Variants in INPP4B observed in about 807,000 individuals in gnomAD.
INPP4B encodes inositol polyphosphate-4-phosphatase type II B, also known as inositol polyphosphate 4-phosphatase type II.
INPP4B carries 55 observed loss-of-function variants against 122.5 expected under a neutral mutation model. That is an observed-to-expected ratio of 0.45 (90% CI 0.36 to 0.56). The LOEUF (loss-of-function observed/expected upper bound fraction) is 0.56, where lower values mean the gene tolerates loss of function less well. Ranked by LOEUF, INPP4B falls within the 20% of genes least tolerant of loss-of-function variation. The pLI is 0.00. For missense variants in INPP4B, 1,000 were observed against 1,097.7 expected, an observed-to-expected ratio of 0.91 and a Z score of 1.26; for synonymous variants, 403 against 388.7, an observed-to-expected ratio of 1.04 and a Z score of -0.43.
At chr4:142,123,193 T>A (rs775446842) in intron 20 of INPP4B, 99 bp downstream of exon 20, 203 of 1,011,420 alleles carry the variant, frequency 2.0e-4, no homozygotes, top group Non-Finnish European at 2.6e-4. Flanking sequence ...CTTGGCACAA[T>A]AAAGGTTTAC....
At chr4:142,763,695 T>C (rs1771673187) in intron 1 of INPP4B, among the ~76,000 whole-genome samples, 1 of 152,180 alleles carries the variant, frequency 6.6e-6, no homozygotes, top group South Asian at 2.1e-4. Flanking sequence ...ACCACCAGTG[T>C]GCTAGCTGTG....
intron 1 of INPP4B, among the ~76,000 whole-genome samples, chr4:142,799,171 A>T (rs1292475242): frequency 6.6e-6 from 1 of 151,940 alleles, no homozygotes; most frequent in Non-Finnish European, 1.5e-5. Flanking sequence ...TTTAAGACTA[A>T]CATTATTTAT....
chr4:142,058,413 T>G (rs901455276), intron 25 of INPP4B, among the ~76,000 whole-genome samples: 1 of 152,172 alleles, frequency 6.6e-6, no homozygotes, highest in Non-Finnish European at 1.5e-5. Context: ...ACAATATTAC[T>G]GTGCCATTAT....
chr4:142,355,322 C>G (rs1310137152), intron 7 of INPP4B, among the ~76,000 whole-genome samples: 1 of 151,972 alleles, frequency 6.6e-6, no homozygotes, highest in Admixed American at 6.6e-5. Flanking sequence ...ATCCGGACAA[C>G]AGAGAGAAAT....
At chr4:142,146,151 T>G (rs1457265328) in intron 17 of INPP4B, among the ~76,000 whole-genome samples, 155 bp from the exon 18 acceptor site, 1 of 152,208 alleles carries the variant, frequency 6.6e-6, no homozygotes. Flanking sequence ...AGACTATGGA[T>G]ATATAATGAA....
At chr4:142,314,067 T>A (rs943850450) in intron 8 of INPP4B, among the ~76,000 whole-genome samples, 2 of 152,174 alleles carry the variant, frequency 1.3e-5, no homozygotes, top group Non-Finnish European at 2.9e-5. Flanking sequence ...CTAATTAACT[T>A]CTGGTCTTTT....
intron 12 of INPP4B, among the ~76,000 whole-genome samples, chr4:142,214,848 C>T (rs376437573): frequency 5.3e-5 from 8 of 152,206 alleles, no homozygotes; most frequent in East Asian, 3.9e-4. Context: ...CCACTGCGCC[C>T]GACCCAGCAC....
At chr4:142,429,109 ATACT>A in intron 5 of INPP4B, 60 bp downstream of exon 5, 1 of 863,576 alleles carries the variant, frequency 1.2e-6, no homozygotes. Context: ...CAATCTACCT[ATACT>A]TTGCAAACTA....
chr4:142,488,722 T>C (rs768166254), intron 2 of INPP4B, among the ~76,000 whole-genome samples: 1 of 152,176 alleles, frequency 6.6e-6, no homozygotes, highest in Non-Finnish European at 1.5e-5. Context: ...ATCTTTAGCA[T>C]ATTTGTCTTC....
intron 2 of INPP4B, among the ~76,000 whole-genome samples, chr4:142,485,226 C>A (rs143765373): frequency 1.6e-3 from 249 of 152,218 alleles, no homozygotes; most frequent in Admixed American, 4.9e-3. Context: ...CAGAATCCAG[C>A]ATAGTCTCAA....
chr4:142,400,666 T>C (rs956051400), intron 7 of INPP4B, among the ~76,000 whole-genome samples: 12 of 152,324 alleles, frequency 7.9e-5, no homozygotes, highest in African/African-American at 2.9e-4. Flanking sequence ...ATAAATGCAA[T>C]CTGGGTGTAT....
At chr4:142,193,218 G>C (rs774270174) in intron 14 of INPP4B, 23 bp from the exon 15 acceptor site, 18 of 1,395,112 alleles carry the variant, frequency 1.3e-5, no homozygotes, top group Admixed American at 1.2e-4. Context: ...CAGACAAGGA[G>C]ATGAACACTT....
intron 14 of INPP4B, among the ~76,000 whole-genome samples, chr4:142,196,387 C>A (rs1838229635): frequency 6.6e-6 from 1 of 152,110 alleles, no homozygotes; most frequent in African/African-American, 2.4e-5. Context: ...TTAAGCTTAA[C>A]ATATTCTAAC....
chr4:142,134,883 T>C (rs1006248376), intron 18 of INPP4B, among the ~76,000 whole-genome samples: 1 of 151,548 alleles, frequency 6.6e-6, no homozygotes, highest in African/African-American at 2.4e-5. Flanking sequence ...CTTTTTCCAA[T>C]GAAATTCTCA....
chr4:142,691,345 A>T lies in INPP4B; in HGVS notation c.-191+34494T>A, dbSNP rs536776330. 4.8e-3 allele frequency among the ~76,000 whole-genome samples: 720 copies of T among 150,360 alleles called. 3 individuals are homozygous for T. Among genetic ancestry groups the T allele is most frequent in the African/African-American group, 6.3e-3 (259 of 40,890 alleles). On this transcript the variant is annotated intron_variant, in intron 2 of 25. Coordinates refer to ENST00000262992, the MANE Select transcript of INPP4B (RefSeq NM_001101669.3). ...AGGGCAAAGTTTTTTTTTTTTTTTTAAATTTTTGCTTATCAGGACCCACAC... is the reference window on the plus strand; with the variant it reads ...AGGGCAAAGTTTTTTTTTTTTTTTTTAATTTTTGCTTATCAGGACCCACAC...
chr4:142,773,833 G>C (rs886963843), intron 1 of INPP4B, among the ~76,000 whole-genome samples: 2 of 151,186 alleles, frequency 1.3e-5, no homozygotes, highest in Non-Finnish European at 2.9e-5. Flanking sequence ...CCCCAGAAGA[G>C]AATGAAATTG....
intron 2 of INPP4B, among the ~76,000 whole-genome samples, chr4:142,602,954 C>T (rs1043627240): frequency 2.6e-5 from 4 of 151,972 alleles, no homozygotes; most frequent in African/African-American, 9.7e-5. Context: ...AGACATGAAT[C>T]GACCTAAAAG....
At position 142,135,819 on chromosome 4, in the gene INPP4B, CAG is replaced by C. The variant is rs1803849441; in HGVS notation, c.1720+10019_1720+10020del. On this transcript the variant is annotated intron_variant, in intron 18 of 25. Coordinates refer to ENST00000262992, the MANE Select transcript of INPP4B (RefSeq NM_001101669.3). ...TTTTTTAATGTTTGTTTGTTTGAGACAGAGTCTTGCTCTGTCGCCCAGGCTGG... is the reference window on the plus strand; with the variant it reads ...TTTTTTAATGTTTGTTTGTTTGAGACAGTCTTGCTCTGTCGCCCAGGCTGG... Among the ~76,000 whole-genome samples, 5 of 152,116 alleles carry C rather than the reference CAG, an allele frequency of 3.3e-5. No individual in the cohort carries two copies. The South Asian group carries it at 1.0e-3, about 32-fold the overall frequency.
At chr4:142,842,160 T>C (rs1226897841) in intron 1 of INPP4B, among the ~76,000 whole-genome samples, 2 of 151,824 alleles carry the variant, frequency 1.3e-5, no homozygotes, top group South Asian at 2.1e-4. Flanking sequence ...AACAAATTAC[T>C]GCCAATTCTA....
Sources: gnomAD v4.1 joint callset for allele counts (sites outside exome capture counted in the v4.1 genomes callset) on GRCh38, gnomAD v4.1.1 for gene constraint, MANE v1.5 for transcripts, NCBI Gene and HGNC (gene_info 2026-07-23, HGNC 2026-07-21) for gene names.